CEACAM7: variants seen among roughly 807,000 people sequenced by gnomAD.
CEACAM7 encodes cell adhesion molecule CEACAM7.
A neutral mutation model predicts 25.7 loss-of-function variants in CEACAM7; 24 were observed. The ratio of observed to expected loss-of-function variants is 0.93; its 90% CI spans 0.68 to 1.31. CEACAM7 has a LOEUF of 1.31. CEACAM7 is among the 40% of genes most tolerant of loss of function. CEACAM7 has a pLI of 0.00. For synonymous variants in CEACAM7, 144 were observed against 129.4 expected (o/e 1.11, Z -0.77); for missense variants, 324 against 330.1 (o/e 0.98, Z 0.14).
At chr19:41,682,980 G>A (rs2072190159) in intron 3 of CEACAM7, among the ~76,000 whole-genome samples, 1 of 152,238 alleles carries the variant, frequency 6.6e-6, no homozygotes, top group African/African-American at 2.4e-5. Flanking sequence ...GTACAGGGAG[G>A]AGGGTCTGCA....
intron 3 of CEACAM7, among the ~76,000 whole-genome samples, chr19:41,679,579 T>C (rs1351844080): frequency 6.6e-6 from 1 of 151,832 alleles, no homozygotes; most frequent in Non-Finnish European, 1.5e-5. Flanking sequence ...TAAGAGAAAG[T>C]AGGCAAGAAG....
chr19:41,686,429 C>T (rs782618797), intron 2 of CEACAM7, among the ~76,000 whole-genome samples: 34 of 152,182 alleles, frequency 2.2e-4, no homozygotes, highest in Middle Eastern at 3.2e-3. Flanking sequence ...ACAACCCAGC[C>T]CTGACACAGG....
chr19:41,687,547 C>A (rs1349776106), intron 1 of CEACAM7, among the ~76,000 whole-genome samples: 6 of 152,230 alleles, frequency 3.9e-5, no homozygotes, highest in African/African-American at 1.4e-4. Flanking sequence ...TCTGACATTT[C>A]CCTGCTCTGT....
intron 2 of CEACAM7, among the ~76,000 whole-genome samples, chr19:41,686,398 G>T (rs555969405): frequency 3.9e-5 from 6 of 152,256 alleles, no homozygotes; most frequent in South Asian, 2.1e-4. Flanking sequence ...CTTGCTCTCA[G>T]TCAGTTCAGC....
At chr19:41,688,026 C>T (rs991113997) in intron 1 of CEACAM7, 76 bp downstream of exon 1, 4 of 1,347,824 alleles carry the variant, frequency 3.0e-6, no homozygotes, top group Non-Finnish European at 4.1e-6. Context: ...CCTCTCAGAG[C>T]CCCGTCCTCC....
rs782574057 is a variant in CEACAM7, at chr19:41,684,072, A to G, written c.428-9T>C. 4 of 1,609,476 alleles carry G rather than the reference A, an allele frequency of 2.5e-6. No individual in the cohort carries two copies. The highest frequency in any genetic ancestry group is 3.4e-6 in the Non-Finnish European group (4 of 1,177,808). On this transcript the variant is annotated splice_polypyrimidine_tract_variant and intron_variant, in intron 2 of 4. Transcript: ENST00000401731. ...GGGCTTGGGTGGCTCCGCTGTGCAG[A>G]TAAGAGAGAGAAAAGATTGCCCTGT...
intron 1 of CEACAM7, 85 bp downstream of exon 1, chr19:41,688,017 C>T: frequency 7.9e-7 from 1 of 1,259,482 alleles, no homozygotes; most frequent in Non-Finnish European, 1.1e-6. Context: ...CCTTTGTCCC[C>T]TCTCAGAGCC....
At position 41,673,585 on chromosome 19, in the gene CEACAM7, C is replaced by G. The variant is rs1402288144; in HGVS notation, c.*1191G>C. On this transcript the variant is annotated 3_prime_UTR_variant, in exon 5 of 5. Transcript: ENST00000401731. The stretch of plus-strand genomic sequence containing the variant: ...TCTCATGTTTTTAGGAAAATTTTGT[C>G]TGTTCTGGGATCTACCTGCTTCCTC... The G allele has an allele frequency of 6.6e-6, 1 of 152,162 alleles. No homozygotes were observed. Among genetic ancestry groups the G allele is most frequent in the African/African-American group, 2.4e-5 (1 of 41,440 alleles). The allele number at this position is 152,162 out of a possible 1,614,324, so 9.4% of individuals were successfully genotyped here.
intron 3 of CEACAM7, among the ~76,000 whole-genome samples, chr19:41,679,801 C>CTTTTTTTT (rs34340713): frequency 2.7e-5 from 3 of 111,894 alleles, no homozygotes; most frequent in African/African-American, 7.1e-5. Context: ...CTCTCTCTCT[C>CTTTTTTTT]TTTTTTTTTT....
chr19:41,677,707 C>T (rs2072129986), intron 3 of CEACAM7, among the ~76,000 whole-genome samples: 1 of 152,200 alleles, frequency 6.6e-6, no homozygotes, highest in Admixed American at 6.5e-5. Context: ...GATGGTCAGT[C>T]TTCTGTCAAT....
chr19:41,675,289 A>G (rs1176894998), intron 4 of CEACAM7, among the ~76,000 whole-genome samples: 1 of 152,206 alleles, frequency 6.6e-6, no homozygotes, highest in East Asian at 1.9e-4. Context: ...AGAAAAATTA[A>G]TGTTTCAATT....
chr19:41,686,963 A>G lies in CEACAM7; in HGVS notation c.323T>C (p.Leu108Pro). Residue 108 changes from leucine (L) to proline (P), a missense_variant, in exon 2 of 5, where the codon CTG becomes CCG. Physicochemically the swap from Leu to Pro is moderately conservative, Grantham distance 98. Transcript: ENST00000401731. ...GRETIYPNGTLLIQNVTHNDA... is the reference protein window; with the variant it reads ...GRETIYPNGTPLIQNVTHNDA... ...ATTGTGGGTGACGTTCTGGATCAGC[A>G]GGGTTCCATTGGGGTATATTGTCTC... 1.2e-6 allele frequency: 2 copies of G among 1,610,686 alleles called. No individual in the cohort carries two copies. Among genetic ancestry groups the G allele is most frequent in the South Asian group, 2.2e-5 (2 of 90,722 alleles).
intron 3 of CEACAM7, 48 bp from the exon 4 acceptor site, chr19:41,677,551 G>T: frequency 2.1e-6 from 3 of 1,427,540 alleles, no homozygotes; most frequent in Non-Finnish European, 3.0e-6. Flanking sequence ...TTATTTTACA[G>T]GGAAGTCCCC....
At chr19:41,681,604 G>A (rs572530446) in intron 3 of CEACAM7, among the ~76,000 whole-genome samples, 10 of 152,134 alleles carry the variant, frequency 6.6e-5, no homozygotes, top group South Asian at 2.1e-4. Context: ...GTCTTAACAG[G>A]TAATAAAATA....
chr19:41,682,763 T>C (rs76089747), intron 3 of CEACAM7, among the ~76,000 whole-genome samples: 728 of 152,292 alleles, frequency 4.8e-3, no homozygotes, highest in African/African-American at 0.017. Context: ...GTTTCAAAGC[T>C]TCCTTCTTCC....
chr19:41,681,050 A>T lies in CEACAM7; in HGVS notation c.706+2735T>A, dbSNP rs531544482. The stretch of plus-strand genomic sequence containing the variant: ...TAAGGGATTAATTCTCAGAATATAT[A>T]AAGAACTAATATAACTCAACAGCAA... On this transcript the variant is annotated intron_variant, in intron 3 of 4. Coordinates refer to ENST00000401731, the MANE Select transcript of CEACAM7 (RefSeq NM_001291485.2). Among the ~76,000 whole-genome samples, 417 of 152,338 alleles carry T rather than the reference A, an allele frequency of 2.7e-3. 2 individuals carry two copies. The highest frequency in any genetic ancestry group is 9.1e-3 in the African/African-American group (379 of 41,586).
rs1444033738 is a variant in CEACAM7, at chr19:41,674,092, G to C, written c.*684C>G. 1 of 152,220 alleles carries C rather than the reference G, an allele frequency of 6.6e-6. No homozygotes were observed. The highest frequency in any genetic ancestry group is 2.4e-5 in the African/African-American group (1 of 41,456). 9.4% of individuals were successfully genotyped at this position (152,220 alleles called of 1,614,324 possible). A position where few individuals can be genotyped will look rare whatever the true frequency, so the allele number is the denominator to read the frequency against. ...CACTGTATTTATTTATGTGCAACAA[G>C]AAGTGTCAGCAACTGCACAAACTCC... On this transcript the variant is annotated 3_prime_UTR_variant, in exon 5 of 5. Coordinates refer to ENST00000401731, the MANE Select transcript of CEACAM7 (RefSeq NM_001291485.2).
At position 41,687,125 on chromosome 19, in the gene CEACAM7, A is replaced by T. The variant is rs1463121592; in HGVS notation, c.161T>A (p.Val54Glu). ...AAGATTCTGGGACTCATTATGGACT[A>T]CTAGAAGGACCTCCTTCCCTTCTGC... ...NVAEGKEVLLVVHNESQNLYG... is the reference protein window; with the variant it reads ...NVAEGKEVLLEVHNESQNLYG... The change falls in exon 2 of 5, where the codon GTA becomes GAA. Residue 54 changes from valine to glutamate, a missense_variant. Transcript: ENST00000401731. 2.5e-6 allele frequency: 4 copies of T among 1,614,016 alleles called. No homozygotes were observed. The highest frequency in any genetic ancestry group is 3.4e-6 in the Non-Finnish European group (4 of 1,180,014).
rs1555809883 is a variant in CEACAM7, at chr19:41,674,195, C to G, written c.*581G>C. On this transcript the variant is annotated 3_prime_UTR_variant, in exon 5 of 5. Transcript: ENST00000401731. ...GTTAAATTAAAACAGGGCGTGAGAA[C>G]AGGTGAGTCTAGAGGTCTAACTCTA... 6.6e-6 allele frequency: 1 copy of G among 152,204 alleles called. No individual in the cohort carries two copies. The highest frequency in any genetic ancestry group is 1.5e-5 in the Non-Finnish European group (1 of 68,042). The allele number at this position is 152,204 out of a possible 1,614,324, so 9.4% of individuals were successfully genotyped here.
Sources: gnomAD v4.1 joint callset for allele counts (sites outside exome capture counted in the v4.1 genomes callset) on GRCh38, gnomAD v4.1.1 for gene constraint, MANE v1.5 for transcripts, NCBI Gene and HGNC (gene_info 2026-07-23, HGNC 2026-07-21) for gene names.